Variants in SDK1 observed in about 807,000 individuals in gnomAD.
The protein encoded by SDK1 is sidekick cell adhesion molecule 1.
Under a neutral mutation model 245.5 loss-of-function variants are expected in SDK1, and 157 were observed. The observed-to-expected ratio is 0.64, with a 90% CI of 0.56 to 0.73. SDK1 has a LOEUF of 0.73. Ranked by LOEUF, SDK1 falls within the 30% of genes least tolerant of loss-of-function variation. SDK1 has a pLI of 0.00. For synonymous variants in SDK1, 1,647 were observed against 1,278.5 expected, an observed-to-expected ratio of 1.29 and a Z score of -6.15; for missense variants, 3,583 against 3,002.3, an observed-to-expected ratio of 1.19 and a Z score of -4.52.
At chr7:3,403,457 T>A (rs1011834361) in intron 1 of SDK1, among the ~76,000 whole-genome samples, 8 of 152,122 alleles carry the variant, frequency 5.3e-5, no homozygotes, top group Admixed American at 4.6e-4. Flanking sequence ...TTGTTTGATT[T>A]GTGATGCTGA....
rs1438151603 is a variant in SDK1, at chr7:3,847,796, A to G, written c.847+26213A>G. Among the ~76,000 whole-genome samples the G allele has an allele frequency of 1.3e-5, 2 of 152,362 alleles. 1 individual carries two copies. Among genetic ancestry groups the G allele is most frequent in the South Asian group, 4.1e-4 (2 of 4,830 alleles). On this transcript the variant is annotated intron_variant, in intron 5 of 44. Coordinates refer to ENST00000404826, the MANE Select transcript of SDK1 (RefSeq NM_152744.4). ...CAAAACCATGACATCATTCTTCTGA[A>G]TGGAGCAACTAGAATATCCCTTAGA...
intron 5 of SDK1, among the ~76,000 whole-genome samples, chr7:3,850,873 G>A (rs1780402865): frequency 6.7e-6 from 1 of 149,324 alleles, no homozygotes; most frequent in African/African-American, 2.5e-5. Flanking sequence ...TAGGGGGAGG[G>A]GGGAGGGAAA....
rs553565895 is a variant in SDK1 at position 4,186,600 on chromosome 7, G to T, written c.5098+8014G>T. Among the ~76,000 whole-genome samples, 199 of 152,256 alleles carry T rather than the reference G, an allele frequency of 1.3e-3. 1 individual carries two copies. Among genetic ancestry groups the T allele is most frequent in the African/African-American group, 4.7e-3 (194 of 41,546 alleles). ...GGTTTAGGTCACTCGGCGGTCCTGG[G>T]GGCTTCTGGGGCCTACAGCTGGGAA... On this transcript the variant is annotated intron_variant, in intron 35 of 44. Transcript: ENST00000404826.
intron 1 of SDK1, among the ~76,000 whole-genome samples, chr7:3,407,923 C>G (rs949148420): frequency 6.6e-6 from 1 of 152,072 alleles, no homozygotes; most frequent in Non-Finnish European, 1.5e-5. Flanking sequence ...CTGCTCTCAG[C>G]AAACACAGGT....
At chr7:3,879,120 A>T (rs1409385214) in intron 5 of SDK1, among the ~76,000 whole-genome samples, 2 of 152,114 alleles carry the variant, frequency 1.3e-5, no homozygotes, top group African/African-American at 4.8e-5. Flanking sequence ...GACAATCTGT[A>T]ATATTCTGTG....
At chr7:4,045,595 G>A (rs916908265) in intron 17 of SDK1, among the ~76,000 whole-genome samples, 12 of 152,152 alleles carry the variant, frequency 7.9e-5, no homozygotes, top group Admixed American at 3.3e-4. Context: ...ACAGTTACCC[G>A]GGGGCAGGAT....
At chr7:3,703,442 T>G (rs1021200931) in intron 4 of SDK1, among the ~76,000 whole-genome samples, 2 of 152,198 alleles carry the variant, frequency 1.3e-5, no homozygotes, top group African/African-American at 4.8e-5. Context: ...AACTAGTGGA[T>G]GCCAGGTTGG....
chr7:3,896,005 C>T (rs184582614), intron 5 of SDK1, among the ~76,000 whole-genome samples: 315 of 152,212 alleles, frequency 2.1e-3, no homozygotes, highest in Middle Eastern at 3.4e-3. Context: ...CCCAGAATAT[C>T]TTGGCATATG....
At chr7:3,794,836 C>T (rs1395730143) in intron 4 of SDK1, among the ~76,000 whole-genome samples, 1 of 152,100 alleles carries the variant, frequency 6.6e-6, no homozygotes, top group Non-Finnish European at 1.5e-5. Context: ...ATTTCATTGG[C>T]CCTGAAGACA....
chr7:3,645,948 TC>T (rs1015227234), intron 4 of SDK1, among the ~76,000 whole-genome samples: 1 of 152,094 alleles, frequency 6.6e-6, no homozygotes, highest in Admixed American at 6.6e-5. Flanking sequence ...AACCTCTGCC[TC>T]CCGAGGTCAA....
chr7:3,867,403 A>C (rs1028676608), intron 5 of SDK1, among the ~76,000 whole-genome samples: 3 of 152,150 alleles, frequency 2.0e-5, no homozygotes, highest in Non-Finnish European at 2.9e-5. Flanking sequence ...GTATTAGTCC[A>C]TTTTCACGCT....
At chr7:4,066,652 C>T (rs1330232512) in intron 19 of SDK1, among the ~76,000 whole-genome samples, 1 of 152,234 alleles carries the variant, frequency 6.6e-6, no homozygotes, top group Non-Finnish European at 1.5e-5. Flanking sequence ...CATCACCACA[C>T]AGTGTGGGCT....
intron 2 of SDK1, among the ~76,000 whole-genome samples, chr7:3,624,772 A>T (rs1351788373): frequency 6.6e-6 from 1 of 152,048 alleles, no homozygotes; most frequent in East Asian, 1.9e-4. Context: ...AAGGCCAGGC[A>T]TGGTGGCTCA....
intron 1 of SDK1, among the ~76,000 whole-genome samples, chr7:3,447,842 T>C (rs906658919): frequency 6.6e-6 from 1 of 151,742 alleles, no homozygotes; most frequent in African/African-American, 2.4e-5. Flanking sequence ...GTAGCTGGGA[T>C]TATAAGCATG....
chr7:4,052,065 G>A (rs1198979660), intron 19 of SDK1, among the ~76,000 whole-genome samples: 1 of 152,022 alleles, frequency 6.6e-6, no homozygotes, highest in Non-Finnish European at 1.5e-5. Flanking sequence ...CTGGGGACAG[G>A]GGGTGGAGAA....
At chr7:4,002,197 A>T (rs1785124049) in intron 14 of SDK1, among the ~76,000 whole-genome samples, 1 of 152,234 alleles carries the variant, frequency 6.6e-6, no homozygotes, top group Non-Finnish European at 1.5e-5. Context: ...GACTAGACCA[A>T]GAGAAGCTTT....
At chr7:3,380,444 C>G (rs987191749) in intron 1 of SDK1, among the ~76,000 whole-genome samples, 1 of 152,150 alleles carries the variant, frequency 6.6e-6, no homozygotes, top group Admixed American at 6.5e-5. Flanking sequence ...TTTGAGCTAC[C>G]TTGAGACTGA....
intron 4 of SDK1, among the ~76,000 whole-genome samples, chr7:3,644,181 C>T (rs1441710381): frequency 3.3e-5 from 5 of 150,676 alleles, no homozygotes; most frequent in Admixed American, 2.0e-4. Context: ...GGATTACAGG[C>T]ATGAGCCACC....
rs1425399627 is a variant in SDK1, at chr7:3,542,536, T to C, written c.299-76544T>C. On this transcript the variant is annotated intron_variant, in intron 1 of 44. Transcript: ENST00000404826. ...GCCAAGCATAGGATCATGCCTGGCC[T>C]ATGGTAGGTTAGCATTTAATAAGTG... Among the ~76,000 whole-genome samples the C allele has an allele frequency of 2.0e-5, 3 of 152,362 alleles. No individual in the cohort carries two copies. In the South Asian group the frequency reaches 6.2e-4, roughly 32 times the overall value.
Sources: gnomAD v4.1 joint callset for allele counts (sites outside exome capture counted in the v4.1 genomes callset) on GRCh38, gnomAD v4.1.1 for gene constraint, MANE v1.5 for transcripts, NCBI Gene and HGNC (gene_info 2026-07-23, HGNC 2026-07-21) for gene names.